Variants in PCM1 observed in about 807,000 individuals in gnomAD.
The protein encoded by PCM1 is pericentriolar material 1.
A neutral mutation model predicts 241.9 loss-of-function variants in PCM1; 157 were observed. That is an observed-to-expected ratio of 0.65 (90% CI 0.57 to 0.74). The LOEUF (loss-of-function observed/expected upper bound fraction) is 0.74. Among genes scored for constraint, PCM1 ranks in the 30% least tolerant of loss-of-function variants. The probability of loss-of-function intolerance (pLI) is 0.00; values close to 1 mark genes in which losing one functional copy is unlikely to be tolerated. For missense variants in PCM1, 3,478 were observed against 2,360.1 expected (o/e 1.47, Z -9.81); for synonymous variants, 1,085 against 784.9 (o/e 1.38, Z -6.39).
chr8:17,961,607 G>A (rs910195887), intron 15 of PCM1, among the ~76,000 whole-genome samples: 6 of 152,040 alleles, frequency 3.9e-5, no homozygotes, highest in African/African-American at 9.7e-5. Context: ...CACCGCTCCC[G>A]GCCTATTGGC....
chr8:17,980,999 G>A (rs1296750989), intron 24 of PCM1, among the ~76,000 whole-genome samples: 1 of 152,172 alleles, frequency 6.6e-6, no homozygotes, highest in Non-Finnish European at 1.5e-5. Context: ...AGTTACAATT[G>A]TGGAACTCTT....
At chr8:17,962,919 T>C (rs1370074561) in intron 16 of PCM1, 182 bp from the exon 17 acceptor site, 3 of 485,230 alleles carry the variant, frequency 6.2e-6, no homozygotes, top group African/African-American at 6.1e-5. Context: ...AAAAAAAAAT[T>C]GGCTGATTTT....
In PCM1 at chr8:17,938,753, G is replaced by A. The variant is rs2061176311; in HGVS notation, c.356G>A (p.Ser119Asn). Reference sequence around the variant, plus strand: ...TTTCATATATAGAGAAGCATTGGAAGTGATTCCCAAGGTAGAGCAACAGCT... The same window carrying A: ...TTTCATATATAGAGAAGCATTGGAAATGATTCCCAAGGTAGAGCAACAGCT... Reference protein sequence around the residue: ...FSDLDQRSIGSDSQGRATAAN... With the variant: ...FSDLDQRSIGNDSQGRATAAN... The change falls in exon 5 of 39, where the codon AGT (serine) becomes AAT (asparagine). Residue 119 changes from serine to asparagine, a missense_variant. Coordinates refer to ENST00000325083, the MANE Select transcript of PCM1 (RefSeq NM_006197.4). The A allele has an allele frequency of 3.1e-6, 5 of 1,610,252 alleles. No homozygotes were observed. The South Asian group carries it at 5.5e-5, about 18-fold the overall frequency.
chr8:18,017,344 T>C (rs1355683144), intron 36 of PCM1, among the ~76,000 whole-genome samples: 1 of 152,254 alleles, frequency 6.6e-6, no homozygotes, highest in African/African-American at 2.4e-5. Flanking sequence ...AGTCTCTGAC[T>C]AGAGTCTGGT....
intron 22 of PCM1, among the ~76,000 whole-genome samples, chr8:17,970,547 T>G (rs2076496140): frequency 6.6e-6 from 1 of 152,084 alleles, no homozygotes. Flanking sequence ...TTTTTGGTTG[T>G]TCTATCTTTT....
intron 5 of PCM1, 41 bp downstream of exon 5, chr8:17,939,050 C>G (rs767179868): frequency 1.9e-6 from 3 of 1,598,244 alleles, no homozygotes; most frequent in East Asian, 4.5e-5. Flanking sequence ...TTACACAAAC[C>G]TCAAAATACC....
At chr8:18,021,396 G>T (rs941890278) in intron 36 of PCM1, among the ~76,000 whole-genome samples, 1 of 152,176 alleles carries the variant, frequency 6.6e-6, no homozygotes, top group Non-Finnish European at 1.5e-5. Flanking sequence ...CCATATGTAG[G>T]TCTGCAGATG....
chr8:17,940,433 G>T (rs2129450702), intron 6 of PCM1, among the ~76,000 whole-genome samples: 1 of 152,240 alleles, frequency 6.6e-6, no homozygotes, highest in African/African-American at 2.4e-5. Flanking sequence ...GTTTTGTTAA[G>T]CAAAGCTTCA....
At position 17,955,615 on chromosome 8, in the gene PCM1, T is replaced by A. The variant is rs747099185; in HGVS notation, c.1434T>A (p.Ser478Arg). 1.9e-6 allele frequency: 3 copies of A among 1,613,556 alleles called. No individual in the cohort carries two copies. The highest frequency in any genetic ancestry group is 1.3e-5 in the African/African-American group (1 of 74,904). ...PTASLVSQNE[S>R]ENEGHLNPSE... The stretch of plus-strand genomic sequence containing the variant: ...CTTCTCTAGTATCTCAGAATGAGAG[T>A]GAAAACGAAGGCCACCTCAATCCAT... The change falls in exon 10 of 39, where the codon AGT becomes AGA. Residue 478 changes from serine to arginine, a missense_variant. By Grantham distance (110) the Ser-to-Arg change is moderately radical. Coordinates refer to ENST00000325083, the MANE Select transcript of PCM1 (RefSeq NM_006197.4).
Position 17,967,244 on chromosome 8 carries a change from G to A in PCM1, c.3412+74G>A. ...AACAACGTAATTTGTCTATTGCCTA[G>A]ATGTTTTAACATTTTCTTTTGGAGT... On this transcript the variant is annotated intron_variant, in intron 21 of 38. Coordinates refer to ENST00000325083, the MANE Select transcript of PCM1 (RefSeq NM_006197.4). 8 of 1,035,684 alleles carry A rather than the reference G, an allele frequency of 7.7e-6. No homozygotes were observed. The South Asian group carries it at 1.1e-4, about 15-fold the overall frequency. 64.2% of individuals were successfully genotyped at this position (1,035,684 alleles called of 1,614,324 possible).
At chr8:17,945,320 T>A (rs2063405215) in intron 6 of PCM1, among the ~76,000 whole-genome samples, 1 of 152,114 alleles carries the variant, frequency 6.6e-6, no homozygotes, top group African/African-American at 2.4e-5. Context: ...GAGTAAACAG[T>A]ACTTAATTTG....
chr8:17,972,938 T>G (rs2129472345), intron 23 of PCM1, among the ~76,000 whole-genome samples: 1 of 152,292 alleles, frequency 6.6e-6, no homozygotes, highest in African/African-American at 2.4e-5. Context: ...AAAGCTTCAG[T>G]TTTGTAGATT....
chr8:17,924,198 C>A (rs17125932), intron 1 of PCM1, among the ~76,000 whole-genome samples: 8,035 of 152,178 alleles, frequency 0.053, 719 homozygotes, highest in African/African-American at 0.18. Flanking sequence ...CTGCTCCTTT[C>A]TTTCCCTAGC....
chr8:18,020,626 C>T (rs566223966), intron 36 of PCM1, among the ~76,000 whole-genome samples: 1 of 152,210 alleles, frequency 6.6e-6, no homozygotes, highest in South Asian at 2.1e-4. Context: ...ATTGATGGAT[C>T]CTATGAAAAA....
At chr8:18,026,811 C>G (rs527629201) in intron 38 of PCM1, among the ~76,000 whole-genome samples, 6 of 152,146 alleles carry the variant, frequency 3.9e-5, no homozygotes, top group Admixed American at 1.3e-4. Flanking sequence ...CCTTGCTGCT[C>G]CTCCTCTGCT....
At chr8:17,995,459 G>A (rs924618131) in intron 29 of PCM1, among the ~76,000 whole-genome samples, 6 of 151,322 alleles carry the variant, frequency 4.0e-5, no homozygotes, top group African/African-American at 1.5e-4. Flanking sequence ...ACGCTGTTTT[G>A]GTTACTATAG....
chr8:17,956,476 A>T, intron 10 of PCM1, 128 bp from the exon 11 acceptor site: 1 of 624,052 alleles, frequency 1.6e-6, no homozygotes, highest in Non-Finnish European at 2.8e-6. Flanking sequence ...CCCCCTGGAG[A>T]GTTCACTAGG....
intron 17 of PCM1, among the ~76,000 whole-genome samples, 170 bp from the exon 18 acceptor site, chr8:17,964,398 T>C (rs1295076604): frequency 1.3e-5 from 2 of 152,240 alleles, no homozygotes; most frequent in Non-Finnish European, 2.9e-5. Flanking sequence ...ATATTCTGTA[T>C]ATAACAGCAA....
In PCM1 at chr8:17,964,707, T is replaced by G. The variant is rs371686557; in HGVS notation, c.2794T>G (p.Ser932Ala). Residue 932 changes from serine (S) to alanine (A), a missense_variant, in exon 18 of 39, where the codon TCT becomes GCT. Coordinates refer to ENST00000325083, the MANE Select transcript of PCM1 (RefSeq NM_006197.4). ...AGATGCCAGTTCCAATGATAACTTT[T>G]CTGTGTGTCCTTCTAACAGTGTGAA... ...EQDASSNDNF[S>A]VCPSNSVNHN... The G allele has an allele frequency of 1.2e-6, 2 of 1,613,856 alleles. No homozygotes were observed. The highest frequency in any genetic ancestry group is 1.7e-6 in the Non-Finnish European group (2 of 1,179,836).
Sources: allele counts gnomAD v4.1 joint callset (sites outside exome capture counted in the v4.1 genomes callset), GRCh38; gene constraint gnomAD v4.1.1; transcripts MANE v1.5; gene names NCBI Gene and HGNC (gene_info 2026-07-23, HGNC 2026-07-21).